RNF43: variants seen among roughly 807,000 people sequenced by gnomAD.
The protein encoded by RNF43 is E3 ubiquitin-protein ligase RNF43.
A neutral mutation model predicts 78.4 loss-of-function variants in RNF43; 37 were observed. That is an observed-to-expected ratio of 0.47 (90% confidence interval 0.36 to 0.62). The LOEUF is 0.62. RNF43 is among the 20% of genes least tolerant of loss of function. RNF43 has a pLI of 0.00. For synonymous variants in RNF43, 347 were observed against 395.0 expected, an observed-to-expected ratio of 0.88 and a Z score of 1.44; for missense variants, 774 against 1,007.9, an observed-to-expected ratio of 0.77 and a Z score of 3.14.
chr17:58,399,365 GA>G (rs1973748072), intron 2 of RNF43, among the ~76,000 whole-genome samples: 1 of 152,098 alleles, frequency 6.6e-6, no homozygotes, highest in African/African-American at 2.4e-5. Flanking sequence ...TAGATGCTAT[GA>G]CAAAAACTCT....
At chr17:58,381,028 C>T (rs776020576) in intron 2 of RNF43, among the ~76,000 whole-genome samples, 3 of 152,176 alleles carry the variant, frequency 2.0e-5, no homozygotes, top group Non-Finnish European at 2.9e-5. Flanking sequence ...GAAGCTTGCT[C>T]GGCTAGTCCC....
At chr17:58,400,161 C>T (rs1224700129) in intron 2 of RNF43, among the ~76,000 whole-genome samples, 2 of 152,076 alleles carry the variant, frequency 1.3e-5, no homozygotes, top group African/African-American at 2.4e-5. Flanking sequence ...AGTGATTCAC[C>T]GTACCACAAG....
chr17:58,410,534 T>G (rs1974008166), intron 2 of RNF43, among the ~76,000 whole-genome samples: 1 of 152,262 alleles, frequency 6.6e-6, no homozygotes. Flanking sequence ...TTCTAAAGGC[T>G]GGCATCAAAA....
In RNF43 at chr17:58,360,865, C is replaced by T. The variant is rs755996999; in HGVS notation, c.767G>A (p.Arg256Gln). 34 of 1,612,454 alleles carry T rather than the reference C, an allele frequency of 2.1e-5. No individual in the cohort carries two copies. The highest frequency in any genetic ancestry group is 1.9e-4 in the African/African-American group (14 of 74,852). The change falls in exon 7 of 10, where the codon CGG becomes CAG. Residue 256 changes from arginine (R) to glutamine (Q), a missense_variant. By Grantham distance (43) the Arg-to-Gln change is conservative (BLOSUM62 1). Transcript: ENST00000407977. This position sits in a 1 kb window ranked among gnomAD's most constrained non-coding sequence, Gnocchi z 4.3. ...RRYQASCRQARGEWPDSGSSC... is the reference protein window; with the variant it reads ...RRYQASCRQAQGEWPDSGSSC... ...GCTCCCTGAGTCTGGCCACTCACCCCGGGCCTGCCTGCAGCTGGCCTGGTA... is the reference window on the plus strand; with the variant it reads ...GCTCCCTGAGTCTGGCCACTCACCCTGGGCCTGCCTGCAGCTGGCCTGGTA...
chr17:58,399,840 C>T (rs142311108), intron 2 of RNF43, among the ~76,000 whole-genome samples: 2 of 152,152 alleles, frequency 1.3e-5, no homozygotes, highest in Admixed American at 6.5e-5. Flanking sequence ...CTGGGTTTCA[C>T]CATGCTGTTC....
chr17:58,382,882 T>C (rs1351735416), intron 2 of RNF43, among the ~76,000 whole-genome samples: 1 of 152,238 alleles, frequency 6.6e-6, no homozygotes, highest in Non-Finnish European at 1.5e-5. Context: ...TAACTTGCTC[T>C]TGCTGTATGG....
intron 2 of RNF43, among the ~76,000 whole-genome samples, chr17:58,381,776 G>A (rs1385169191): frequency 2.0e-5 from 3 of 152,172 alleles, no homozygotes; most frequent in Non-Finnish European, 4.4e-5. Flanking sequence ...GAGAATGAAA[G>A]CAGAAAAACA....
chr17:58,380,781 C>A (rs1468649309), intron 2 of RNF43, among the ~76,000 whole-genome samples: 1 of 152,212 alleles, frequency 6.6e-6, no homozygotes, highest in Non-Finnish European at 1.5e-5. Context: ...GCTTCATTAA[C>A]ATGGTTACTT....
At chr17:58,414,247 C>T (rs1030155134) in intron 2 of RNF43, among the ~76,000 whole-genome samples, 2 of 152,112 alleles carry the variant, frequency 1.3e-5, no homozygotes, top group African/African-American at 4.8e-5. Flanking sequence ...GGAATAAGTT[C>T]TATAATCTGT....
chr17:58,371,168 T>C (rs566647560), intron 2 of RNF43, 135 bp from the exon 3 acceptor site: 2 of 834,114 alleles, frequency 2.4e-6, no homozygotes, highest in Admixed American at 3.3e-5. Context: ...GGCCTTATGA[T>C]TGGATTGCCT....
At chr17:58,411,240 C>A (rs1974019293) in intron 2 of RNF43, among the ~76,000 whole-genome samples, 1 of 152,116 alleles carries the variant, frequency 6.6e-6, no homozygotes, top group African/African-American at 2.4e-5. Flanking sequence ...AAGGTAAACA[C>A]TATTTTGTCC....
At chr17:58,373,209 G>C (rs890315339) in intron 2 of RNF43, among the ~76,000 whole-genome samples, 4 of 152,230 alleles carry the variant, frequency 2.6e-5, no homozygotes, top group Admixed American at 1.3e-4. Context: ...TCACTGACCA[G>C]AGGGTCGCCT....
Position 58,357,329 on chromosome 17 carries a change from T to G in RNF43, c.2308+139A>C. On this transcript the variant is annotated intron_variant, in intron 9 of 9. Transcript: ENST00000407977. This position sits in a 1 kb window ranked among gnomAD's most constrained non-coding sequence, Gnocchi z 4.5. ...TAGCCAGCATGATACGCTGTCCCGA[T>G]GGTTAAGTATTTTGGTTGTCATCTC... 1 of 1,061,196 alleles carries G rather than the reference T, an allele frequency of 9.4e-7. No individual in the cohort carries two copies. Among genetic ancestry groups the G allele is most frequent in the Non-Finnish European group, 1.4e-6 (1 of 694,950 alleles). 65.7% of individuals were successfully genotyped at this position (1,061,196 alleles called of 1,614,324 possible). A position where few individuals can be genotyped will look rare whatever the true frequency, so the allele number is the denominator to read the frequency against.
chr17:58,407,069 ATTTTTT>A (rs35270032), intron 2 of RNF43, among the ~76,000 whole-genome samples: 4 of 74,180 alleles, frequency 5.4e-5, no homozygotes, highest in African/African-American at 1.1e-4. Flanking sequence ...AGAGACCAGA[ATTTTTT>A]TTTTTTTTTT....
At chr17:58,389,585 A>G (rs1412064142) in intron 2 of RNF43, among the ~76,000 whole-genome samples, 1 of 152,188 alleles carries the variant, frequency 6.6e-6, no homozygotes, top group Non-Finnish European at 1.5e-5. Flanking sequence ...TGGGAGGCCA[A>G]TATGCAAAAC....
chr17:58,354,781 C>T lies in RNF43; in HGVS notation c.*162G>A. 2 of 687,300 alleles carry T rather than the reference C, an allele frequency of 2.9e-6. No individual in the cohort carries two copies. The highest frequency in any genetic ancestry group is 1.8e-5 in the African/African-American group (1 of 57,030). 42.6% of individuals were successfully genotyped at this position (687,300 alleles called of 1,614,324 possible). A position where few individuals can be genotyped will look rare whatever the true frequency, so the allele number is the denominator to read the frequency against. The stretch of plus-strand genomic sequence containing the variant: ...GCTGGAGCAGGAAACGGCACCCTCT[C>T]ACCCTCCACCATCACCAGTCCTCTT... On this transcript the variant is annotated 3_prime_UTR_variant, in exon 10 of 10. Transcript: ENST00000407977.
intron 2 of RNF43, among the ~76,000 whole-genome samples, chr17:58,376,631 C>T (rs1019841545): frequency 1.3e-5 from 2 of 152,170 alleles, no homozygotes; most frequent in Non-Finnish European, 1.5e-5. Flanking sequence ...AGCCAGGAAG[C>T]GGGCTCTTGA....
chr17:58,359,473 G>A (rs11079347), intron 8 of RNF43, among the ~76,000 whole-genome samples: 3,026 of 151,644 alleles, frequency 0.02, 86 homozygotes, highest in African/African-American at 0.068. Context: ...GCATGGTGGC[G>A]GGCGCCTATA....
In RNF43 at chr17:58,354,337, C is replaced by T. The variant is rs578025107; in HGVS notation, c.*606G>A. The T allele has an allele frequency of 9.7e-6, 2 of 205,274 alleles. No individual in the cohort carries two copies. The highest frequency in any genetic ancestry group is 4.6e-5 in the African/African-American group (2 of 43,754). The allele number at this position is 205,274 out of a possible 1,614,324, so 12.7% of individuals were successfully genotyped here. On this transcript the variant is annotated 3_prime_UTR_variant, in exon 10 of 10. Coordinates refer to ENST00000407977, the MANE Select transcript of RNF43 (RefSeq NM_017763.6). ...CCCACCTCAGGGACAGAACTCCACA[C>T]TATAGTGGGAAAGCTTCAGGGACCC...
Sources: gnomAD v4.1 joint callset for allele counts (sites outside exome capture counted in the v4.1 genomes callset) on GRCh38, gnomAD v4.1.1 for gene constraint, Gnocchi (gnomAD v3.1) non-coding constraint, MANE v1.5 for transcripts, NCBI Gene and HGNC (gene_info 2026-07-23, HGNC 2026-07-21) for gene names.